IMMP2L: variants seen among roughly 807,000 people sequenced by gnomAD.
IMMP2L encodes the protein inner mitochondrial membrane peptidase subunit 2, also known as mitochondrial inner membrane protease subunit 2.
A neutral mutation model predicts 19.3 loss-of-function variants in IMMP2L; 18 were observed. That is an observed-to-expected ratio of 0.93 (90% CI 0.64 to 1.38). The LOEUF (loss-of-function observed/expected upper bound fraction) is 1.38, where lower values mean the gene tolerates loss of function less well. Ranked by LOEUF, IMMP2L falls within the 40% of genes most tolerant of loss-of-function variation. The probability of loss-of-function intolerance (pLI) is 0.00; values close to 1 mark genes in which losing one functional copy is unlikely to be tolerated. For missense variants in IMMP2L, 233 were observed against 218.2 expected (o/e 1.07, Z -0.43); for synonymous variants, 76 against 73.0 (o/e 1.04, Z -0.21).
intron 3 of IMMP2L, among the ~76,000 whole-genome samples, chr7:111,085,346 A>G (rs1796225993): frequency 6.6e-6 from 1 of 152,204 alleles, no homozygotes; most frequent in Non-Finnish European, 1.5e-5. Flanking sequence ...CAGTTGAACT[A>G]ATTTACACTC....
At chr7:110,793,073 C>A (rs753375355) in intron 5 of IMMP2L, among the ~76,000 whole-genome samples, 1 of 151,950 alleles carries the variant, frequency 6.6e-6, no homozygotes, top group Non-Finnish European at 1.5e-5. Flanking sequence ...CTGGGGTGGG[C>A]AGTTGGGGAA....
intron 3 of IMMP2L, among the ~76,000 whole-genome samples, chr7:111,348,227 T>C (rs940179440): frequency 3.3e-5 from 5 of 151,868 alleles, no homozygotes; most frequent in African/African-American, 1.2e-4. Flanking sequence ...ACATGGCACA[T>C]GTATACATAC....
chr7:111,240,503 C>T (rs37718), intron 3 of IMMP2L, among the ~76,000 whole-genome samples: 64,879 of 151,612 alleles, frequency 0.43, 14,729 homozygotes, highest in Non-Finnish European at 0.52. Flanking sequence ...TGTTTCAAAC[C>T]CCTTCGGTGT....
chr7:111,065,880 C>T (rs1334257037), intron 3 of IMMP2L, among the ~76,000 whole-genome samples: 1 of 139,306 alleles, frequency 7.2e-6, no homozygotes, highest in Non-Finnish European at 1.5e-5. Flanking sequence ...AGTTCTGTTT[C>T]TCTAGAGAAC....
intron 3 of IMMP2L, among the ~76,000 whole-genome samples, chr7:111,452,896 G>A (rs1055165511): frequency 6.6e-6 from 1 of 152,014 alleles, no homozygotes; most frequent in Non-Finnish European, 1.5e-5. Context: ...TATGTCACTT[G>A]TTGCTAGAAA....
At position 111,521,417 on chromosome 7, in the gene IMMP2L, A is replaced by G. The variant is rs377432244; in HGVS notation, c.31T>C (p.Tyr11His). 8 of 1,612,746 alleles carry G rather than the reference A, an allele frequency of 5.0e-6. No individual in the cohort carries two copies. The highest frequency in any genetic ancestry group is 1.3e-5 in the African/African-American group (1 of 74,976). ...AAGCCTTTACAAAAGGCCTTGATGT[A>G]TCTTTTCACCCACCCTTGTGACTGT... MAQSQGWVKR[Y>H]IKAFCKGFFV... The change falls in exon 2 of 6, where the codon TAC becomes CAC. Residue 11 changes from tyrosine to histidine, a missense_variant. By Grantham distance (83) the Tyr-to-His change is moderately conservative. Transcript: ENST00000405709.
At chr7:111,192,987 C>G (rs181675274) in intron 3 of IMMP2L, among the ~76,000 whole-genome samples, 12 of 152,174 alleles carry the variant, frequency 7.9e-5, no homozygotes, top group African/African-American at 2.4e-4. Flanking sequence ...CCTTGGCAAC[C>G]TGAGACAGCT....
intron 5 of IMMP2L, among the ~76,000 whole-genome samples, chr7:110,739,811 C>T (rs1426943236): frequency 6.6e-6 from 1 of 152,196 alleles, no homozygotes; most frequent in East Asian, 1.9e-4. Flanking sequence ...ATATCACAGG[C>T]CACAGAACAA....
chr7:110,822,346 T>C lies in IMMP2L; in HGVS notation c.408+64247A>G, dbSNP rs561867456. 5.3e-5 allele frequency among the ~76,000 whole-genome samples: 8 copies of C among 152,250 alleles called. No homozygotes were observed. In the South Asian group the frequency reaches 1.7e-3, roughly 32 times the overall value. On this transcript the variant is annotated intron_variant, in intron 5 of 5. Transcript: ENST00000405709. ...CAGGACATAAAAGATCCTCTGTGAT[T>C]GACAACCATTAATTCACCATCTTTC...
chr7:110,847,434 G>A (rs908940297), intron 5 of IMMP2L, among the ~76,000 whole-genome samples: 8 of 152,132 alleles, frequency 5.3e-5, no homozygotes, highest in Non-Finnish European at 7.4e-5. Flanking sequence ...GAGAAACTCA[G>A]ATAATACAGA....
intron 3 of IMMP2L, among the ~76,000 whole-genome samples, chr7:111,458,229 T>G (rs1839841725): frequency 1.3e-5 from 2 of 151,956 alleles, no homozygotes; most frequent in Non-Finnish European, 2.9e-5. Flanking sequence ...AAAATACAAT[T>G]TAGCTGGGCG....
At chr7:110,819,419 A>G (rs757853671) in intron 5 of IMMP2L, among the ~76,000 whole-genome samples, 1 of 152,058 alleles carries the variant, frequency 6.6e-6, no homozygotes, top group Non-Finnish European at 1.5e-5. Flanking sequence ...TGAAGTGCAG[A>G]AATGTCCCCA....
intron 3 of IMMP2L, among the ~76,000 whole-genome samples, chr7:111,413,635 G>A: frequency 1.3e-5 from 2 of 151,408 alleles, no homozygotes; most frequent in East Asian, 3.9e-4. Flanking sequence ...AGAAAAGCAT[G>A]TGGCAATAAT....
At chr7:110,967,444 C>G (rs1033837996) in intron 3 of IMMP2L, among the ~76,000 whole-genome samples, 1 of 151,988 alleles carries the variant, frequency 6.6e-6, no homozygotes, top group African/African-American at 2.4e-5. Context: ...AACCCTAGGT[C>G]TAAGCATTCT....
chr7:111,041,816 T>C (rs995092714), intron 3 of IMMP2L, among the ~76,000 whole-genome samples: 2 of 152,120 alleles, frequency 1.3e-5, no homozygotes, highest in South Asian at 2.1e-4. Context: ...ATATAGTACA[T>C]AGGGATATGA....
chr7:110,825,970 A>T (rs1584948096), intron 5 of IMMP2L, among the ~76,000 whole-genome samples: 1 of 152,106 alleles, frequency 6.6e-6, no homozygotes, highest in East Asian at 1.9e-4. Context: ...GAATCTAGAA[A>T]GTACTCAAAC....
At chr7:110,971,494 G>A (rs928483877) in intron 3 of IMMP2L, among the ~76,000 whole-genome samples, 1 of 152,066 alleles carries the variant, frequency 6.6e-6, no homozygotes, top group South Asian at 2.1e-4. Context: ...TGCCAGCAAG[G>A]AAAGGTGTCC....
At chr7:111,026,879 T>G (rs1826885244) in intron 3 of IMMP2L, among the ~76,000 whole-genome samples, 1 of 152,120 alleles carries the variant, frequency 6.6e-6, no homozygotes, top group Admixed American at 6.6e-5. Context: ...GGTTTTTTAT[T>G]TCCTCTTTTT....
chr7:111,413,580 T>A (rs898020822), intron 3 of IMMP2L, among the ~76,000 whole-genome samples: 1 of 152,046 alleles, frequency 6.6e-6, no homozygotes, highest in Admixed American at 6.5e-5. Flanking sequence ...ATTTACCATA[T>A]TAACAGATTA....
Sources: allele counts gnomAD v4.1 joint callset (sites outside exome capture counted in the v4.1 genomes callset), GRCh38; gene constraint gnomAD v4.1.1; transcripts MANE v1.5; gene names NCBI Gene and HGNC (gene_info 2026-07-23, HGNC 2026-07-21).